SLC39A11: variants seen among roughly 807,000 people sequenced by gnomAD.
SLC39A11 encodes zinc transporter ZIP11.
A neutral mutation model predicts 36.1 loss-of-function variants in SLC39A11; 33 were observed. The observed-to-expected ratio is 0.91, with a 90% confidence interval of 0.69 to 1.22. The LOEUF is 1.22. SLC39A11 is among the 50% of genes most tolerant of loss of function. The pLI is 0.00. For missense variants in SLC39A11, 432 were observed against 430.3 expected (o/e 1.00, Z -0.03); for synonymous variants, 166 against 170.3 (o/e 0.97, Z 0.20).
intron 9 of SLC39A11, among the ~76,000 whole-genome samples, chr17:72,647,926 AC>A (rs1164153980): frequency 6.6e-6 from 1 of 152,144 alleles, no homozygotes; most frequent in African/African-American, 2.4e-5. Flanking sequence ...GCCCAAGGTC[AC>A]CTATGATCGT....
chr17:72,697,452 T>C (rs2714000), intron 7 of SLC39A11, among the ~76,000 whole-genome samples: 1,729 of 152,246 alleles, frequency 0.011, 43 homozygotes, highest in African/African-American at 0.04. Flanking sequence ...TTCAATTTGC[T>C]CCCAGTAAGA....
At chr17:73,054,230 C>T (rs1472587636) in intron 3 of SLC39A11, among the ~76,000 whole-genome samples, 2 of 151,956 alleles carry the variant, frequency 1.3e-5, no homozygotes, top group East Asian at 3.9e-4. Context: ...GGTTTGGTAG[C>T]GCATGCCTGT....
intron 4 of SLC39A11, among the ~76,000 whole-genome samples, chr17:72,969,770 T>C (rs937060974): frequency 1.3e-5 from 2 of 152,142 alleles, no homozygotes; most frequent in Admixed American, 6.5e-5. Context: ...AACACTAAAA[T>C]AGATGGGTGG....
At chr17:73,003,371 G>A (rs977123769) in intron 4 of SLC39A11, among the ~76,000 whole-genome samples, 3 of 152,112 alleles carry the variant, frequency 2.0e-5, no homozygotes, top group Admixed American at 6.6e-5. Context: ...ACCTTGGACC[G>A]GTCTGATTGG....
intron 3 of SLC39A11, among the ~76,000 whole-genome samples, chr17:73,048,027 C>A (rs1185027576): frequency 6.6e-4 from 64 of 96,246 alleles, no homozygotes; most frequent in Non-Finnish European, 8.1e-4. Context: ...ATATATATAT[C>A]ATGTATAGTT....
intron 6 of SLC39A11, among the ~76,000 whole-genome samples, chr17:72,791,949 C>G (rs1192309904): frequency 6.6e-6 from 1 of 152,158 alleles, no homozygotes; most frequent in Non-Finnish European, 1.5e-5. Context: ...CAGTCTCGGG[C>G]AGTTCTTTAT....
intron 6 of SLC39A11, among the ~76,000 whole-genome samples, chr17:72,799,728 C>T (rs569825796): frequency 5.9e-5 from 9 of 151,870 alleles, no homozygotes; most frequent in Non-Finnish European, 8.8e-5. Flanking sequence ...TCTCTGCTCT[C>T]GAACCCTGTT....
At chr17:73,059,600 A>G (rs979964529) in intron 3 of SLC39A11, among the ~76,000 whole-genome samples, 2 of 151,864 alleles carry the variant, frequency 1.3e-5, no homozygotes, top group African/African-American at 2.4e-5. Context: ...GGTTACAGTA[A>G]GCCGAGATCG....
intron 5 of SLC39A11, among the ~76,000 whole-genome samples, chr17:72,941,462 T>C (rs1246364165): frequency 6.6e-6 from 1 of 152,150 alleles, no homozygotes; most frequent in Non-Finnish European, 1.5e-5. Flanking sequence ...ACAGCAGCCC[T>C]AGCAAACACA....
intron 7 of SLC39A11, among the ~76,000 whole-genome samples, chr17:72,691,108 G>T (rs1374721822): frequency 1.3e-5 from 2 of 152,148 alleles, no homozygotes; most frequent in South Asian, 2.1e-4. Flanking sequence ...GACTAGGGGT[G>T]GGGGACCTCC....
intron 7 of SLC39A11, among the ~76,000 whole-genome samples, chr17:72,703,386 G>A (rs1040545104): frequency 2.6e-5 from 4 of 152,136 alleles, no homozygotes; most frequent in East Asian, 1.9e-4. Context: ...TAGCAGTTCC[G>A]TGTGGGGAGA....
chr17:72,976,858 A>G (rs2087890001), intron 4 of SLC39A11, among the ~76,000 whole-genome samples: 1 of 152,180 alleles, frequency 6.6e-6, no homozygotes, highest in South Asian at 2.1e-4. Flanking sequence ...CAAAAAAAAA[A>G]AGAAAAAAGA....
At chr17:72,985,936 A>G (rs2148231314) in intron 4 of SLC39A11, among the ~76,000 whole-genome samples, 2 of 152,298 alleles carry the variant, frequency 1.3e-5, no homozygotes, top group South Asian at 4.1e-4. Context: ...ATTTGGACAC[A>G]GAGACAGGCA....
intron 5 of SLC39A11, among the ~76,000 whole-genome samples, chr17:72,897,256 G>A (rs907600141): frequency 1.3e-5 from 2 of 152,078 alleles, no homozygotes; most frequent in Admixed American, 1.3e-4. Flanking sequence ...GACATCGGAG[G>A]TGGGAAAAGG....
chr17:73,047,991 ATATATATATAT>A (rs1392050091), intron 3 of SLC39A11, among the ~76,000 whole-genome samples: 31 of 35,962 alleles, frequency 8.6e-4, no homozygotes, highest in African/African-American at 9.7e-4. Flanking sequence ...AAAAAAAAAA[ATATATATATAT>A]ATATATATAT....
At position 72,974,431 on chromosome 17, in the gene SLC39A11, C is replaced by CAAAA. The variant is rs35927526; in HGVS notation, c.307-26560_307-26557dup. Among the ~76,000 whole-genome samples, 48 of 132,394 alleles carry CAAAA rather than the reference C, an allele frequency of 3.6e-4. No individual in the cohort carries two copies. In the East Asian group the frequency reaches 4.1e-3, roughly 11 times the overall value. The allele number at this position is 132,394 out of a possible 152,430, so 86.9% of individuals were successfully genotyped here. ...TTGCATTTGTATCTTCATTTTGTAC[C>CAAAA]AAAAAAAAAAAAAAAAAATTAAGTA... On this transcript the variant is annotated intron_variant, in intron 4 of 9. Coordinates refer to ENST00000255559, the MANE Select transcript of SLC39A11 (RefSeq NM_139177.4).
chr17:72,956,589 T>C (rs1442455393), intron 4 of SLC39A11, among the ~76,000 whole-genome samples: 3 of 152,232 alleles, frequency 2.0e-5, no homozygotes, highest in African/African-American at 4.8e-5. Flanking sequence ...TAATGAAGTA[T>C]TTCTTTTCTA....
At chr17:73,005,886 G>A (rs920541477) in intron 4 of SLC39A11, among the ~76,000 whole-genome samples, 1 of 151,510 alleles carries the variant, frequency 6.6e-6, no homozygotes, top group African/African-American at 2.4e-5. Context: ...GGGAGGTGGA[G>A]GTTGCAGTGA....
chr17:72,871,398 T>G (rs1183471214), intron 5 of SLC39A11, among the ~76,000 whole-genome samples: 2 of 152,152 alleles, frequency 1.3e-5, no homozygotes, highest in South Asian at 4.1e-4. Context: ...TAAGTTTACA[T>G]GTGTGCGGTG....
Sources: allele counts gnomAD v4.1 joint callset (sites outside exome capture counted in the v4.1 genomes callset), GRCh38; gene constraint gnomAD v4.1.1; transcripts MANE v1.5; gene names NCBI Gene and HGNC (gene_info 2026-07-23, HGNC 2026-07-21).